The following USP46 variants were observed in gnomAD, a reference collection of about 807,000 sequenced individuals.
USP46 encodes the protein ubiquitin specific peptidase 46, also known as ubiquitin carboxyl-terminal hydrolase 46.
In USP46, 12 loss-of-function variants were observed where a neutral mutation model predicts 44.4. That is an observed-to-expected ratio of 0.27 (90% CI 0.17 to 0.44). USP46 has a LOEUF of 0.44. Among genes scored for constraint, USP46 ranks in the 20% least tolerant of loss-of-function variants. USP46 has a pLI of 1.00. For missense variants in USP46, 248 were observed against 444.8 expected (o/e 0.56, Z 3.98); for synonymous variants, 155 against 161.5 (o/e 0.96, Z 0.31).
At chr4:52,657,489 C>A (rs1718997599) in intron 1 of USP46, among the ~76,000 whole-genome samples, 1 of 152,186 alleles carries the variant, frequency 6.6e-6, no homozygotes, top group Non-Finnish European at 1.5e-5. Context: ...ACAAGAACAC[C>A]ACCAAGGGCT....
chr4:52,602,694 C>A (rs1044175174), intron 6 of USP46, among the ~76,000 whole-genome samples: 3 of 152,186 alleles, frequency 2.0e-5, no homozygotes, highest in African/African-American at 7.2e-5. Context: ...GAGATGTTAA[C>A]AGATGTGGTG....
At chr4:52,612,467 G>C (rs1054121225) in intron 4 of USP46, among the ~76,000 whole-genome samples, 1 of 152,236 alleles carries the variant, frequency 6.6e-6, no homozygotes, top group African/African-American at 2.4e-5. Context: ...TTAAGTCTGA[G>C]TGTGACCATG....
intron 1 of USP46, among the ~76,000 whole-genome samples, chr4:52,638,510 T>C (rs1008081753): frequency 2.0e-5 from 3 of 151,850 alleles, no homozygotes; most frequent in Admixed American, 1.3e-4. Context: ...AGGAAAGTAA[T>C]ATACCCCGCC....
chr4:52,624,633 G>C (rs919869606), intron 4 of USP46, among the ~76,000 whole-genome samples: 1 of 152,128 alleles, frequency 6.6e-6, no homozygotes, highest in African/African-American at 2.4e-5. Flanking sequence ...AAACATTTCT[G>C]GGTCACAGCT....
chr4:52,632,970 A>AAGAAAGAAAGAAAGAG lies in USP46; in HGVS notation c.37-1827_37-1826insCTCTTTCTTTCTTTCT, dbSNP rs1717931368. On this transcript the variant is annotated intron_variant, in intron 1 of 8. Transcript: ENST00000441222. ...AAAGAAAGAAAGAAAGAAAGAAAGA[A>AAGAAAGAAAGAAAGAG]AGAAAGAAAGAAAGAAAAGAAAAGA... Among the ~76,000 whole-genome samples the AAGAAAGAAAGAAAGAG allele has an allele frequency of 2.4e-5, 2 of 82,298 alleles. 1 individual carries two copies. Among genetic ancestry groups the AAGAAAGAAAGAAAGAG allele is most frequent in the Non-Finnish European group, 4.7e-5 (2 of 42,776 alleles). The allele number at this position is 82,298 out of a possible 152,430, so 54.0% of individuals were successfully genotyped here.
At chr4:52,619,709 G>T (rs905134535) in intron 4 of USP46, among the ~76,000 whole-genome samples, 1 of 152,178 alleles carries the variant, frequency 6.6e-6, no homozygotes, top group Non-Finnish European at 1.5e-5. Flanking sequence ...TTCTAAAAAT[G>T]GAATGCAACG....
chr4:52,627,692 G>A (rs1322066269), intron 3 of USP46, among the ~76,000 whole-genome samples: 1 of 152,132 alleles, frequency 6.6e-6, no homozygotes, highest in Non-Finnish European at 1.5e-5. Flanking sequence ...CAATGATCCT[G>A]CCCAGAATGG....
intron 7 of USP46, among the ~76,000 whole-genome samples, chr4:52,599,322 T>C (rs894421694): frequency 5.3e-5 from 8 of 151,538 alleles, no homozygotes; most frequent in African/African-American, 1.2e-4. Flanking sequence ...GTTTCAGAAA[T>C]AGGGAATAGC....
chr4:52,635,470 C>G (rs1001365720), intron 1 of USP46, among the ~76,000 whole-genome samples: 1 of 152,196 alleles, frequency 6.6e-6, no homozygotes, highest in Non-Finnish European at 1.5e-5. Context: ...CTCTCCACTC[C>G]ATAGTGCTCA....
chr4:52,610,478 AT>A (rs1716898201), intron 5 of USP46, 62 bp downstream of exon 5: 1 of 1,417,538 alleles, frequency 7.1e-7, no homozygotes, highest in African/African-American at 1.4e-5. Context: ...GAAATACAGG[AT>A]TTTCTCTCCC....
intron 1 of USP46, among the ~76,000 whole-genome samples, chr4:52,645,996 C>A (rs953485619): frequency 2.0e-5 from 3 of 152,154 alleles, no homozygotes; most frequent in Admixed American, 2.0e-4. Context: ...TTTCCTGAAG[C>A]CTCCCAGTCA....
chr4:52,625,898 G>A (rs892369276), intron 4 of USP46, 120 bp downstream of exon 4: 1 of 1,015,146 alleles, frequency 9.9e-7, no homozygotes, highest in Non-Finnish European at 1.4e-6. Flanking sequence ...GCATAAATAG[G>A]ATTATTTACA....
chr4:52,646,888 T>C (rs1404826154), intron 1 of USP46, among the ~76,000 whole-genome samples: 2 of 152,204 alleles, frequency 1.3e-5, no homozygotes, highest in Non-Finnish European at 2.9e-5. Context: ...GCACACTGCT[T>C]TGGCAAGGCT....
At position 52,609,898 on chromosome 4, in the gene USP46, C is replaced by CTTTTTTTTTTTTTTT. The variant is rs66817554; in HGVS notation, c.638+628_638+642dup. Among the ~76,000 whole-genome samples the CTTTTTTTTTTTTTTT allele has an allele frequency of 4.1e-4, 10 of 24,588 alleles. 3 individuals carry two copies. The highest frequency in any genetic ancestry group is 5.1e-4 in the Admixed American group (1 of 1,950). 16.1% of individuals were successfully genotyped at this position (24,588 alleles called of 152,430 possible). A position where few individuals can be genotyped will look rare whatever the true frequency, so the allele number is the denominator to read the frequency against. On this transcript the variant is annotated intron_variant, in intron 5 of 8. Transcript: ENST00000441222. The stretch of plus-strand genomic sequence containing the variant: ...GGAAACCTAAACCTCAATTCTATTT[C>CTTTTTTTTTTTTTTT]TTTTTTTTTTTTTTTTTTTTTTTTT...
chr4:52,632,990 A>AAAAGAAAAGAAAAGAAAGAAAGAAAG (rs1717961084), intron 1 of USP46, among the ~76,000 whole-genome samples: 2 of 66,344 alleles, frequency 3.0e-5, no homozygotes, highest in African/African-American at 6.0e-5. Flanking sequence ...GAAAGAAAAG[A>AAAAGAAAAGAAAAGAAAGAAAGAAAG]AAAGAAAGAA....
In USP46 at chr4:52,659,264, G is replaced by A. The variant is rs1233855223; in HGVS notation, c.-114C>T. 7 of 1,270,432 alleles carry A rather than the reference G, an allele frequency of 5.5e-6. No homozygotes were observed. Among genetic ancestry groups the A allele is most frequent in the East Asian group, 3.2e-5 (1 of 31,494 alleles). The allele number at this position is 1,270,432 out of a possible 1,614,324, so 78.7% of individuals were successfully genotyped here. ...GCGGCAGCGCGGCGGCCTGGGGTCC[G>A]GCTTTCAGTTTGGCTGGGAGAGGGA... is the stretch of plus-strand genomic sequence containing the variant. On this transcript the variant is annotated 5_prime_UTR_variant, in exon 1 of 9. Coordinates refer to ENST00000441222, the MANE Select transcript of USP46 (RefSeq NM_022832.4). The surrounding 1 kb of genome is among the most constrained non-coding windows in gnomAD (Gnocchi z 4.2).
At chr4:52,658,316 A>G (rs1719032859) in intron 1 of USP46, 4 of 455,752 alleles carry the variant, frequency 8.8e-6, no homozygotes, top group South Asian at 6.2e-5. Flanking sequence ...GGGAAACCCA[A>G]ATTAAAGTGA....
At chr4:52,642,109 G>A (rs1282475877) in intron 1 of USP46, among the ~76,000 whole-genome samples, 2 of 152,146 alleles carry the variant, frequency 1.3e-5, no homozygotes, top group Non-Finnish European at 2.9e-5. Context: ...AAGCAAAAAT[G>A]AAGTGACTCA....
chr4:52,609,898 CTTTTT>C (rs66817554), intron 5 of USP46, among the ~76,000 whole-genome samples: 21 of 24,574 alleles, frequency 8.5e-4, no homozygotes, highest in South Asian at 2.2e-3. Context: ...AATTCTATTT[CTTTTT>C]TTTTTTTTTT....
Sources: gnomAD v4.1 joint callset for allele counts (sites outside exome capture counted in the v4.1 genomes callset) on GRCh38, gnomAD v4.1.1 for gene constraint, Gnocchi (gnomAD v3.1) non-coding constraint, MANE v1.5 for transcripts, NCBI Gene and HGNC (gene_info 2026-07-23, HGNC 2026-07-21) for gene names.